Variants in VWA8 observed in about 807,000 individuals in gnomAD.
VWA8 encodes the protein von Willebrand factor A domain containing 8.
A neutral mutation model predicts 241.5 loss-of-function variants in VWA8; 221 were observed. The observed-to-expected ratio is 0.91, with a 90% CI of 0.82 to 1.02. The LOEUF (loss-of-function observed/expected upper bound fraction) is 1.02. VWA8 is among the 50% of genes least tolerant of loss of function. The pLI is 0.00. For missense variants in VWA8, 2,322 were observed against 2,328.7 expected, an observed-to-expected ratio of 1.00 and a Z score of 0.06; for synonymous variants, 852 against 827.1, an observed-to-expected ratio of 1.03 and a Z score of -0.52.
Position 41,912,020 on chromosome 13 carries a change from C to A in VWA8, c.372+18G>T. On this transcript the variant is annotated intron_variant, in intron 3 of 44. Transcript: ENST00000379310. ...CAAAGTTAAGACCCTTAGAAATTGA[C>A]AAGAATTAACTGCTCACCAAGTACT... The A allele has an allele frequency of 1.3e-6, 2 of 1,541,618 alleles. No individual in the cohort carries two copies. Among genetic ancestry groups the A allele is most frequent in the Non-Finnish European group, 1.7e-6 (2 of 1,143,916 alleles).
At chr13:41,590,862 T>C in intron 40 of VWA8, 97 bp from the exon 41 acceptor site, 1 of 1,488,894 alleles carries the variant, frequency 6.7e-7, no homozygotes, top group East Asian at 2.3e-5. Context: ...ACCTGGGATC[T>C]TTTCAGTAAG....
At chr13:41,829,440 A>G (rs1358282961) in intron 14 of VWA8, among the ~76,000 whole-genome samples, 1 of 152,116 alleles carries the variant, frequency 6.6e-6, no homozygotes, top group East Asian at 1.9e-4. Flanking sequence ...ATACATGCAC[A>G]TTCATGTTTA....
At chr13:41,795,729 A>G (rs7996089) in intron 17 of VWA8, among the ~76,000 whole-genome samples, 122,727 of 152,174 alleles carry the variant, frequency 0.81, 50,498 homozygotes, top group East Asian at 1. Context: ...TCACTTATAA[A>G]TGGGAGCTGA....
At chr13:41,808,659 C>T (rs182789101) in intron 17 of VWA8, among the ~76,000 whole-genome samples, 11 of 152,108 alleles carry the variant, frequency 7.2e-5, no homozygotes, top group Admixed American at 5.9e-4. Flanking sequence ...AATACTGAAT[C>T]GGAAAAACTG....
intron 21 of VWA8, among the ~76,000 whole-genome samples, chr13:41,752,742 T>C (rs1162505978): frequency 6.6e-6 from 1 of 152,158 alleles, no homozygotes; most frequent in Non-Finnish European, 1.5e-5. Context: ...TATCTAAAGG[T>C]GCCAGACACT....
intron 36 of VWA8, among the ~76,000 whole-genome samples, chr13:41,672,170 G>A (rs1416026315): frequency 3.3e-5 from 5 of 152,078 alleles, no homozygotes; most frequent in African/African-American, 7.2e-5. Context: ...TATGCATTTC[G>A]ACTGCATTTG....
intron 21 of VWA8, among the ~76,000 whole-genome samples, chr13:41,750,645 T>C (rs1388901101): frequency 6.6e-6 from 1 of 152,066 alleles, no homozygotes; most frequent in Non-Finnish European, 1.5e-5. Context: ...ATGCTGGAAA[T>C]AGCAAGAGAA....
chr13:41,593,398 G>GGAGCATAGCTA (rs1566380084), intron 40 of VWA8, among the ~76,000 whole-genome samples: 1 of 152,144 alleles, frequency 6.6e-6, no homozygotes, highest in East Asian at 1.9e-4. Flanking sequence ...GGGTCACTCT[G>GGAGCATAGCTA]GAGCATAGCT....
At chr13:41,909,234 T>A (rs1379490166) in intron 3 of VWA8, among the ~76,000 whole-genome samples, 4 of 152,090 alleles carry the variant, frequency 2.6e-5, no homozygotes, top group African/African-American at 7.2e-5. Flanking sequence ...AATGTTTGTA[T>A]TTTTTAGTAC....
At chr13:41,753,992 T>C (rs1258371230) in intron 21 of VWA8, among the ~76,000 whole-genome samples, 1 of 152,160 alleles carries the variant, frequency 6.6e-6, no homozygotes, top group Non-Finnish European at 1.5e-5. Context: ...GCCCTAAAGC[T>C]GTATGTAAAA....
chr13:41,681,898 G>T (rs2045102234), intron 35 of VWA8, among the ~76,000 whole-genome samples: 1 of 152,126 alleles, frequency 6.6e-6, no homozygotes, highest in Non-Finnish European at 1.5e-5. Flanking sequence ...AAGTTGGGAA[G>T]AATTTTGTAA....
chr13:41,738,050 T>C (rs959157913), intron 21 of VWA8, among the ~76,000 whole-genome samples: 2 of 151,994 alleles, frequency 1.3e-5, no homozygotes, highest in Non-Finnish European at 2.9e-5. Flanking sequence ...ACTGAAGAAA[T>C]ACGATAGTGT....
intron 2 of VWA8, among the ~76,000 whole-genome samples, chr13:41,920,529 G>C (rs1023375620): frequency 6.6e-6 from 1 of 152,018 alleles, no homozygotes; most frequent in African/African-American, 2.4e-5. Flanking sequence ...CAATAAAATT[G>C]ATAGACCGCT....
At chr13:41,814,929 G>C (rs1870623567) in intron 16 of VWA8, among the ~76,000 whole-genome samples, 1 of 152,082 alleles carries the variant, frequency 6.6e-6, no homozygotes. Flanking sequence ...AAATTAGTGA[G>C]TAAAACATAC....
chr13:41,926,723 G>A, intron 2 of VWA8: 1 of 537,364 alleles, frequency 1.9e-6, no homozygotes, highest in South Asian at 1.4e-5. Flanking sequence ...ATAGGGCCAG[G>A]CCTATGATAC....
chr13:41,692,880 C>T lies in VWA8; in HGVS notation c.3657G>A (p.Trp1219Ter). 1 of 1,610,598 alleles carries T rather than the reference C, an allele frequency of 6.2e-7. No individual in the cohort carries two copies. Among genetic ancestry groups the T allele is most frequent in the Non-Finnish European group, 8.5e-7 (1 of 1,177,892 alleles). ...SEKFTSKKPF[W>*]WNKEEAETYK... Reference sequence around the variant, plus strand: ...TTCTTACAGCTTCTTCTTTGTTCCACCAGAAAGGTTTCTTAGATGTAAACT... The same window carrying T: ...TTCTTACAGCTTCTTCTTTGTTCCATCAGAAAGGTTTCTTAGATGTAAACT... The change falls in exon 30 of 45, where the codon TGG becomes TGA. Residue 1219 changes from tryptophan (W) to a stop codon, truncating the protein, a stop_gained. Transcript: ENST00000379310. LOFTEE classifies it high-confidence loss of function.
chr13:41,608,597 T>C (rs2139658738), intron 39 of VWA8, among the ~76,000 whole-genome samples: 1 of 152,324 alleles, frequency 6.6e-6, no homozygotes, highest in Non-Finnish European at 1.5e-5. Context: ...ACTTAAATAC[T>C]ATAATTTTGA....
intron 2 of VWA8, among the ~76,000 whole-genome samples, chr13:41,924,031 A>G (rs531001132): frequency 4.6e-5 from 7 of 152,280 alleles, no homozygotes; most frequent in African/African-American, 1.7e-4. Context: ...CACCAAAGGA[A>G]CATAATAATT....
Position 41,765,703 on chromosome 13 carries a change from G to T in VWA8, c.2350-4499C>A, listed in dbSNP as rs542091079. 3.7e-4 allele frequency among the ~76,000 whole-genome samples: 56 copies of T among 152,122 alleles called. 1 individual carries two copies. The South Asian group carries it at 0.012, about 32-fold the overall frequency. ...CAATGTCCAGTTGCTTAAAAAATCT[G>T]CTAACATTTTAATTTTGTTCCTATA... On this transcript the variant is annotated intron_variant, in intron 20 of 44. Transcript: ENST00000379310.
Sources: gnomAD v4.1 joint callset for allele counts (sites outside exome capture counted in the v4.1 genomes callset) on GRCh38, gnomAD v4.1.1 for gene constraint, MANE v1.5 for transcripts, NCBI Gene and HGNC (gene_info 2026-07-23, HGNC 2026-07-21) for gene names.